Variants in TIMM9 observed in about 807,000 individuals in gnomAD.
The protein encoded by TIMM9 is translocase of inner mitochondrial membrane 9.
A neutral mutation model predicts 13.4 loss-of-function variants in TIMM9; 10 were observed. The ratio of observed to expected loss-of-function variants is 0.75; its 90% confidence interval spans 0.46 to 1.26. The LOEUF (loss-of-function observed/expected upper bound fraction) is 1.26, where lower values mean the gene tolerates loss of function less well. Ranked by LOEUF, TIMM9 falls within the 50% of genes most tolerant of loss-of-function variation. The pLI is 0.00. For synonymous variants in TIMM9, 32 were observed against 32.1 expected (o/e 1.00, Z 0.01); for missense variants, 87 against 100.8 (o/e 0.86, Z 0.58).
chr14:58,420,951 T>G (rs2036573952), intron 3 of TIMM9, among the ~76,000 whole-genome samples: 1 of 152,162 alleles, frequency 6.6e-6, no homozygotes, highest in African/African-American at 2.4e-5. Context: ...TGTAAAGAGT[T>G]TGGCAGTTTC....
intron 3 of TIMM9, among the ~76,000 whole-genome samples, chr14:58,420,095 C>G (rs2036544309): frequency 6.6e-6 from 1 of 152,044 alleles, no homozygotes. Context: ...TGGCCAACTA[C>G]TAAAACTTTT....
intron 3 of TIMM9, among the ~76,000 whole-genome samples, chr14:58,422,106 G>A (rs1358227175): frequency 6.8e-6 from 1 of 147,854 alleles, no homozygotes; most frequent in Non-Finnish European, 1.5e-5. Context: ...GAGACAGAAA[G>A]TATGAAATCT....
At position 58,411,800 on chromosome 14, in the gene TIMM9, G is replaced by A. The variant is rs535282588; in HGVS notation, c.39+107C>T. 2.3e-3 allele frequency: 2,371 copies of A among 1,023,772 alleles called. 3 individuals are homozygous for A. Among genetic ancestry groups the A allele is most frequent in the Non-Finnish European group, 3.1e-3 (2,063 of 658,584 alleles). The allele number at this position is 1,023,772 out of a possible 1,614,324, so 63.4% of individuals were successfully genotyped here. ...GATCCACCCACCTGGGCCTCCCAAC[G>A]TGCTGGGATTACAGATGTGAGCCAC... On this transcript the variant is annotated intron_variant, in intron 4 of 5. Transcript: ENST00000395159.
intron 3 of TIMM9, chr14:58,423,747 T>C (rs1189231200): frequency 6.6e-6 from 1 of 152,174 alleles, no homozygotes; most frequent in Non-Finnish European, 1.5e-5. Flanking sequence ...AGCAGTAATG[T>C]GGTTGTTCTT....
At chr14:58,411,867 T>G (rs2036231231) in intron 4 of TIMM9, 40 bp downstream of exon 4, 1 of 1,604,820 alleles carries the variant, frequency 6.2e-7, no homozygotes, top group South Asian at 1.1e-5. Context: ...CACCTTACAT[T>G]TTTTTGCAAA....
At chr14:58,424,232 T>C (rs1432607588) in intron 2 of TIMM9, 137 bp from the exon 3 acceptor site, 1 of 152,246 alleles carries the variant, frequency 6.6e-6, no homozygotes, top group Non-Finnish European at 1.5e-5. Flanking sequence ...TAGTTTCCTC[T>C]ATTCTGAGGT....
chr14:58,410,879 AAC>A lies in TIMM9; in HGVS notation c.97_98del (p.Val33Ter). 1 of 1,613,124 alleles carries A rather than the reference AAC, an allele frequency of 6.2e-7. No homozygotes were observed. Among genetic ancestry groups the A allele is most frequent in the Non-Finnish European group, 8.5e-7 (1 of 1,179,724 alleles). ...KLTETCFLDC[V>X]KDFTTREVKP... ...TTACTTCTCTTGTTGTGAAGTCTTT[AAC>A]ACAGTCCAAAAAGCAGGTCTCTGTA... On this transcript the variant is annotated frameshift_variant, in exon 5 of 6. Transcript: ENST00000395159. LOFTEE classifies it high-confidence loss of function.
intron 3 of TIMM9, among the ~76,000 whole-genome samples, chr14:58,423,607 T>C (rs1167395841): frequency 6.6e-6 from 1 of 151,130 alleles, no homozygotes; most frequent in Admixed American, 6.6e-5. Context: ...AGTAAATCAA[T>C]GATTTTCAGA....
rs1184163862 is a variant in TIMM9, at chr14:58,410,940, T to G, written c.40-2A>C. ...GTAGGTCCCCAGAAATTCCTTAAACTACAAACAAACCAGAATGTTCTTTAG... is the reference window on the plus strand; with the variant it reads ...GTAGGTCCCCAGAAATTCCTTAAACGACAAACAAACCAGAATGTTCTTTAG... On this transcript the variant is annotated splice_acceptor_variant, in intron 4 of 5. Transcript: ENST00000395159. LOFTEE classifies it high-confidence loss of function. The G allele has an allele frequency of 6.2e-7, 1 of 1,606,840 alleles. No homozygotes were observed. The highest frequency in any genetic ancestry group is 8.5e-7 in the Non-Finnish European group (1 of 1,175,566).
intron 3 of TIMM9, among the ~76,000 whole-genome samples, chr14:58,415,364 T>A (rs2036370608): frequency 6.6e-6 from 1 of 152,018 alleles, no homozygotes; most frequent in Non-Finnish European, 1.5e-5. Context: ...CAAACTGAAT[T>A]AAAAAAAGAC....
chr14:58,419,488 CACACACACACACACACAAACACAT>C (rs1189139690), intron 3 of TIMM9, among the ~76,000 whole-genome samples: 40 of 150,712 alleles, frequency 2.7e-4, no homozygotes, highest in Non-Finnish European at 4.1e-4. Context: ...CACACACACA[CACACACACACACACACAAACACAT>C]ACACACACAC....
intron 2 of TIMM9, among the ~76,000 whole-genome samples, chr14:58,426,300 G>A (rs2036791135): frequency 1.3e-5 from 2 of 151,534 alleles, no homozygotes; most frequent in African/African-American, 4.8e-5. Context: ...CCACCTGCCG[G>A]GTTCAAGCAA....
At chr14:58,424,694 C>G (rs1265825387) in intron 2 of TIMM9, among the ~76,000 whole-genome samples, 1 of 152,020 alleles carries the variant, frequency 6.6e-6, no homozygotes, top group Non-Finnish European at 1.5e-5. Context: ...ATGGCAAAAC[C>G]CCATCTCTAC....
chr14:58,424,845 T>C (rs1343735053), intron 2 of TIMM9, among the ~76,000 whole-genome samples: 1 of 151,880 alleles, frequency 6.6e-6, no homozygotes, highest in Non-Finnish European at 1.5e-5. Context: ...CTTGCCTGGG[T>C]GACAGAAAGA....
intron 4 of TIMM9, 72 bp downstream of exon 4, chr14:58,411,835 C>A (rs1325540139): frequency 2.1e-6 from 3 of 1,426,128 alleles, no homozygotes; most frequent in Non-Finnish European, 2.0e-6. Context: ...CTGCACCCAG[C>A]CTGACATGGT....
At chr14:58,409,852 C>T (rs924196105) in intron 5 of TIMM9, among the ~76,000 whole-genome samples, 2 of 151,998 alleles carry the variant, frequency 1.3e-5, no homozygotes, top group Admixed American at 6.6e-5. Flanking sequence ...TGCTGAAGTT[C>T]CAGGCGTGAG....
At chr14:58,418,761 T>A (rs2036495250) in intron 3 of TIMM9, among the ~76,000 whole-genome samples, 1 of 152,112 alleles carries the variant, frequency 6.6e-6, no homozygotes, top group Non-Finnish European at 1.5e-5. Flanking sequence ...TACGGACTTG[T>A]ATGTGGAAAA....
At chr14:58,419,536 C>T (rs965224544) in intron 3 of TIMM9, among the ~76,000 whole-genome samples, 1 of 151,302 alleles carries the variant, frequency 6.6e-6, no homozygotes, top group Admixed American at 6.6e-5. Context: ...CACAAAAATA[C>T]ACTCCTGCCC....
chr14:58,422,488 C>T (rs2036617417), intron 3 of TIMM9, among the ~76,000 whole-genome samples: 2 of 152,196 alleles, frequency 1.3e-5, no homozygotes, highest in South Asian at 4.2e-4. Flanking sequence ...CACATCTTGT[C>T]CTTATTATAT....
Sources: gnomAD v4.1 joint callset for allele counts (sites outside exome capture counted in the v4.1 genomes callset) on GRCh38, gnomAD v4.1.1 for gene constraint, MANE v1.5 for transcripts, NCBI Gene and HGNC (gene_info 2026-07-23, HGNC 2026-07-21) for gene names.